FAM227B: variants seen among roughly 807,000 people sequenced by gnomAD.
The protein encoded by FAM227B is family with sequence similarity 227 member B, also known as protein FAM227B.
Under a neutral mutation model 73.8 loss-of-function variants are expected in FAM227B, and 88 were observed. The observed-to-expected ratio is 1.19, with a 90% CI of 1.00 to 1.42. The LOEUF (loss-of-function observed/expected upper bound fraction) is 1.42, where lower values mean the gene tolerates loss of function less well. FAM227B is among the 40% of genes most tolerant of loss of function. The pLI, the probability that FAM227B is intolerant of heterozygous loss-of-function variation, is 0.00. For synonymous variants in FAM227B, 210 were observed against 190.5 expected, an observed-to-expected ratio of 1.10 and a Z score of -0.84; for missense variants, 632 against 590.9, an observed-to-expected ratio of 1.07 and a Z score of -0.72.
intron 9 of FAM227B, among the ~76,000 whole-genome samples, chr15:49,553,187 G>A (rs184899503): frequency 6.6e-6 from 1 of 152,334 alleles, no homozygotes; most frequent in East Asian, 1.9e-4. Flanking sequence ...CCCAAGCCCA[G>A]TAACACTGTG....
At chr15:49,590,994 C>G (rs574765863) in intron 3 of FAM227B, among the ~76,000 whole-genome samples, 3 of 147,100 alleles carry the variant, frequency 2.0e-5, no homozygotes, top group African/African-American at 7.5e-5. Context: ...ATAGAGAGAT[C>G]TCTCTCTTCT....
intron 11 of FAM227B, among the ~76,000 whole-genome samples, chr15:49,451,224 G>C (rs2052703060): frequency 6.6e-6 from 1 of 151,928 alleles, no homozygotes; most frequent in African/African-American, 2.4e-5. Context: ...TAACCAATTA[G>C]AGCTTGCCAA....
At chr15:49,471,752 C>A (rs1040498761) in intron 11 of FAM227B, among the ~76,000 whole-genome samples, 1 of 151,922 alleles carries the variant, frequency 6.6e-6, no homozygotes, top group Non-Finnish European at 1.5e-5. Context: ...TAGGTAATTT[C>A]TTGGCTAGGA....
intron 11 of FAM227B, among the ~76,000 whole-genome samples, chr15:49,447,488 G>A (rs2052332769): frequency 6.6e-6 from 1 of 151,620 alleles, no homozygotes; most frequent in Non-Finnish European, 1.5e-5. Flanking sequence ...AATCATGCTA[G>A]AATAAGAGAT....
At chr15:49,534,618 C>T (rs1001843462) in intron 10 of FAM227B, among the ~76,000 whole-genome samples, 10 of 151,810 alleles carry the variant, frequency 6.6e-5, no homozygotes, top group African/African-American at 2.4e-4. Context: ...CAGACATATA[C>T]AGACTATTCC....
At chr15:49,595,189 ATTAAT>A (rs773546777) in intron 3 of FAM227B, among the ~76,000 whole-genome samples, 10 of 151,814 alleles carry the variant, frequency 6.6e-5, no homozygotes, top group Non-Finnish European at 1.0e-4. Flanking sequence ...TTTATATTGT[ATTAAT>A]TTAATTTAAT....
In FAM227B at chr15:49,475,144, G is replaced by A. The variant is rs34051297; in HGVS notation, c.1012+33067C>T. ...ATTAATTTTTTCACCCTGCACTCCGGTAGTGTATGATTAGTGAAACATGAG... is the reference window on the plus strand; with the variant it reads ...ATTAATTTTTTCACCCTGCACTCCGATAGTGTATGATTAGTGAAACATGAG... On this transcript the variant is annotated intron_variant, in intron 11 of 15. Transcript: ENST00000299338. 2.2e-3 allele frequency among the ~76,000 whole-genome samples: 332 copies of A among 152,200 alleles called. 2 individuals are homozygous for A. Among genetic ancestry groups the A allele is most frequent in the Non-Finnish European group, 3.3e-3 (223 of 68,012 alleles).
At chr15:49,543,996 A>G (rs2071459582) in intron 9 of FAM227B, among the ~76,000 whole-genome samples, 1 of 152,082 alleles carries the variant, frequency 6.6e-6, no homozygotes, top group African/African-American at 2.4e-5. Flanking sequence ...TTGGTTCCAT[A>G]TGAATTTTAG....
At chr15:49,422,593 C>A in intron 11 of FAM227B, 1 of 1,215,150 alleles carries the variant, frequency 8.2e-7, no homozygotes, top group South Asian at 1.4e-5. Context: ...AGGCATTAGA[C>A]CAATACACCA....
At chr15:49,481,753 G>T (rs1204936489) in intron 11 of FAM227B, among the ~76,000 whole-genome samples, 3 of 152,094 alleles carry the variant, frequency 2.0e-5, no homozygotes, top group African/African-American at 4.8e-5. Flanking sequence ...ATATATAAAA[G>T]ATTAATATCC....
At chr15:49,524,517 G>A (rs1299427879) in intron 10 of FAM227B, among the ~76,000 whole-genome samples, 2 of 152,206 alleles carry the variant, frequency 1.3e-5, no homozygotes, top group Non-Finnish European at 2.9e-5. Flanking sequence ...CTCTGCTAGG[G>A]CAGTGCAGAA....
chr15:49,529,137 T>C (rs548346362), intron 10 of FAM227B, among the ~76,000 whole-genome samples: 1 of 151,906 alleles, frequency 6.6e-6, no homozygotes, highest in Admixed American at 6.6e-5. Context: ...AGGAATACTA[T>C]GCAGCCATAA....
chr15:49,543,492 G>T (rs1162868986), intron 9 of FAM227B, among the ~76,000 whole-genome samples: 1 of 152,178 alleles, frequency 6.6e-6, no homozygotes, highest in Admixed American at 6.6e-5. Flanking sequence ...TTGTTGTGCA[G>T]AAGCTTTTTA....
intron 3 of FAM227B, among the ~76,000 whole-genome samples, chr15:49,601,414 A>T (rs1851516429): frequency 6.6e-6 from 1 of 151,696 alleles, no homozygotes; most frequent in East Asian, 1.9e-4. Flanking sequence ...TTTAACTCCC[A>T]CTCTCACATT....
At chr15:49,493,567 C>A (rs906644445) in intron 11 of FAM227B, among the ~76,000 whole-genome samples, 19 of 151,972 alleles carry the variant, frequency 1.3e-4, no homozygotes, top group African/African-American at 4.6e-4. Flanking sequence ...CAGACTTGGT[C>A]CTGCCTTACG....
At chr15:49,345,828 G>A (rs1229764052) in intron 13 of FAM227B, among the ~76,000 whole-genome samples, 3 of 152,144 alleles carry the variant, frequency 2.0e-5, no homozygotes, top group East Asian at 1.9e-4. Flanking sequence ...TTTGGAAATT[G>A]TAGGATCCAA....
intron 5 of FAM227B, among the ~76,000 whole-genome samples, chr15:49,587,033 A>G (rs551529751): frequency 1.3e-5 from 2 of 152,266 alleles, no homozygotes; most frequent in South Asian, 4.1e-4. Flanking sequence ...ATGCAAATAC[A>G]TGTTCACTGC....
intron 11 of FAM227B, among the ~76,000 whole-genome samples, chr15:49,470,168 A>G (rs943114438): frequency 1.3e-5 from 2 of 152,164 alleles, no homozygotes; most frequent in African/African-American, 4.8e-5. Context: ...ATGTTACTGT[A>G]GATTGTAAAT....
Position 49,577,634 on chromosome 15 carries a change from T to C in FAM227B, c.436A>G (p.Ile146Val), listed in dbSNP as rs374007454. The stretch of plus-strand genomic sequence containing the variant: ...AGAACAGAAATTTTAAGTACCTCTA[T>C]ATTCTTCTCTGTCTCCATTTCATCT... ...LSDEMETEKN[I>V]EGCSFTGFKA... is the part of the protein sequence containing the mutation. Residue 146 changes from isoleucine (I) to valine (V), a missense_variant, in exon 6 of 16, where the codon ATA becomes GTA. Transcript: ENST00000299338. 8 of 1,563,614 alleles carry C rather than the reference T, an allele frequency of 5.1e-6. No individual in the cohort carries two copies. The highest frequency in any genetic ancestry group is 7.0e-6 in the Non-Finnish European group (8 of 1,144,676).
Sources: allele counts gnomAD v4.1 joint callset (sites outside exome capture counted in the v4.1 genomes callset), GRCh38; gene constraint gnomAD v4.1.1; transcripts MANE v1.5; gene names NCBI Gene and HGNC (gene_info 2026-07-23, HGNC 2026-07-21).